The following SLCO5A1 variants were observed in gnomAD, a reference collection of about 807,000 sequenced individuals.
SLCO5A1 encodes organic anion transporter polypeptide-related protein 4.
SLCO5A1 carries 39 observed loss-of-function variants against 65.1 expected under a neutral mutation model. The observed-to-expected ratio is 0.60, with a 90% CI of 0.46 to 0.78. The LOEUF (loss-of-function observed/expected upper bound fraction) is 0.78. Ranked by LOEUF, SLCO5A1 falls within the 30% of genes least tolerant of loss-of-function variation. The pLI, the probability that SLCO5A1 is intolerant of heterozygous loss-of-function variation, is 0.00. For missense variants in SLCO5A1, 1,029 were observed against 1,069.4 expected, an observed-to-expected ratio of 0.96 and a Z score of 0.53; for synonymous variants, 438 against 415.7, an observed-to-expected ratio of 1.05 and a Z score of -0.65.
At chr8:69,823,186 A>T (rs568825650) in intron 2 of SLCO5A1, among the ~76,000 whole-genome samples, 1 of 152,320 alleles carries the variant, frequency 6.6e-6, no homozygotes, top group East Asian at 1.9e-4. Context: ...TATGGTCTAC[A>T]TTGAGGCTAG....
chr8:69,782,117 TG>T (rs1423228940), intron 2 of SLCO5A1, among the ~76,000 whole-genome samples: 2 of 152,048 alleles, frequency 1.3e-5, no homozygotes, highest in African/African-American at 4.8e-5. Flanking sequence ...CTAATGCATG[TG>T]GGGTTTAAAA....
At chr8:69,825,675 A>T (rs1264342567) in intron 2 of SLCO5A1, among the ~76,000 whole-genome samples, 2 of 152,296 alleles carry the variant, frequency 1.3e-5, no homozygotes, top group East Asian at 3.9e-4. Flanking sequence ...GGGTAGGAAG[A>T]ATCAATATCG....
chr8:69,818,176 A>G (rs935840744), intron 2 of SLCO5A1, among the ~76,000 whole-genome samples: 2 of 152,254 alleles, frequency 1.3e-5, no homozygotes, highest in African/African-American at 2.4e-5. Flanking sequence ...CAAAACTGAC[A>G]TCTACTTTCA....
chr8:69,672,675 GC>G lies in SLCO5A1; in HGVS notation c.*193del. ...CTGAACGTCTCCTTCTTGGAGAGAA[GC>G]GGGGAAAGGCTCTCAGTCTTGTTGA... On this transcript the variant is annotated 3_prime_UTR_variant, in exon 10 of 10. Transcript: ENST00000260126. The G allele has an allele frequency of 4.9e-6, 3 of 607,994 alleles. No individual in the cohort carries two copies. The highest frequency in any genetic ancestry group is 8.5e-6 in the Non-Finnish European group (3 of 353,702). The allele number at this position is 607,994 out of a possible 1,614,324, so 37.7% of individuals were successfully genotyped here. A position where few individuals can be genotyped will look rare whatever the true frequency, so the allele number is the denominator to read the frequency against.
At chr8:69,784,873 GAGAA>G (rs1255949411) in intron 2 of SLCO5A1, among the ~76,000 whole-genome samples, 45 of 67,252 alleles carry the variant, frequency 6.7e-4, no homozygotes, top group African/African-American at 2.0e-3. Context: ...GGGAAGGAAG[GAGAA>G]AGAAAGAAAG....
chr8:69,695,490 C>T (rs985064103), intron 6 of SLCO5A1, among the ~76,000 whole-genome samples: 9 of 151,020 alleles, frequency 6.0e-5, no homozygotes, highest in South Asian at 2.1e-4. Context: ...AGCGAGATTC[C>T]GTCTCAAAAA....
intron 2 of SLCO5A1, among the ~76,000 whole-genome samples, chr8:69,797,384 G>A (rs577844187): frequency 3.1e-4 from 47 of 152,332 alleles, no homozygotes; most frequent in African/African-American, 1.0e-3. Context: ...TAGAGCATGT[G>A]TGTTTGAACA....
Position 69,832,514 on chromosome 8 carries a change from T to C in SLCO5A1, c.160A>G (p.Ser54Gly). Residue 54 changes from serine to glycine, a missense_variant, in exon 2 of 10, where the codon AGT becomes GGT. By Grantham distance (56) the Ser-to-Gly change is moderately conservative (BLOSUM62 0). Around this residue, in one of 3 missense-constraint regions of SLCO5A1, gnomAD observed 647 missense variants for 647.5 expected, o/e 1.00. Coordinates refer to ENST00000260126, the MANE Select transcript of SLCO5A1 (RefSeq NM_030958.3). This position sits in a 1 kb window ranked among gnomAD's most constrained non-coding sequence, Gnocchi z 4.5. ...CCAAAGGCCGGGTTGGCGTCTCCACTAGTGGGACTGAGGCTTGGCCGGCAG... is the reference window on the plus strand; with the variant it reads ...CCAAAGGCCGGGTTGGCGTCTCCACCAGTGGGACTGAGGCTTGGCCGGCAG... ...ASCRPSLSPT[S>G]GDANPAFGCV... 2 of 1,609,378 alleles carry C rather than the reference T, an allele frequency of 1.2e-6. No homozygotes were observed. The highest frequency in any genetic ancestry group is 1.7e-6 in the Non-Finnish European group (2 of 1,178,132).
At chr8:69,825,519 C>G in intron 2 of SLCO5A1, among the ~76,000 whole-genome samples, 1 of 152,152 alleles carries the variant, frequency 6.6e-6, no homozygotes, top group Non-Finnish European at 1.5e-5. Context: ...TGAGTGAACT[C>G]CCATACACAA....
chr8:69,699,871 C>T (rs1339984221), intron 6 of SLCO5A1, among the ~76,000 whole-genome samples: 1 of 152,212 alleles, frequency 6.6e-6, no homozygotes, highest in East Asian at 1.9e-4. Flanking sequence ...GTAATCCCAG[C>T]ACTTTAGGAG....
At chr8:69,802,520 TA>T (rs57817058) in intron 2 of SLCO5A1, among the ~76,000 whole-genome samples, 39,231 of 126,762 alleles carry the variant, frequency 0.31, 5,680 homozygotes, top group Non-Finnish European at 0.38. Context: ...AAAAAAACAC[TA>T]AAAAAAAAAA....
At chr8:69,830,576 C>T (rs942736988) in intron 2 of SLCO5A1, among the ~76,000 whole-genome samples, 1 of 152,178 alleles carries the variant, frequency 6.6e-6, no homozygotes, top group Non-Finnish European at 1.5e-5. Context: ...ACAAAAATCT[C>T]ATCTGGTATG....
intron 4 of SLCO5A1, among the ~76,000 whole-genome samples, chr8:69,746,420 A>G (rs1817031019): frequency 6.6e-6 from 1 of 152,184 alleles, no homozygotes; most frequent in Non-Finnish European, 1.5e-5. Flanking sequence ...GCTTAAAGGG[A>G]CTAAAGTCAA....
chr8:69,698,000 C>T (rs1388345396), intron 6 of SLCO5A1, among the ~76,000 whole-genome samples: 1 of 152,090 alleles, frequency 6.6e-6, no homozygotes, highest in Non-Finnish European at 1.5e-5. Context: ...GCAGTTTTTC[C>T]AACCTCTCCC....
At chr8:69,701,158 T>C (rs1814719435) in intron 6 of SLCO5A1, among the ~76,000 whole-genome samples, 1 of 152,148 alleles carries the variant, frequency 6.6e-6, no homozygotes, top group South Asian at 2.1e-4. Context: ...AGATACTTTT[T>C]GAGCTCTCAG....
chr8:69,674,450 C>T (rs1813465256), intron 9 of SLCO5A1, among the ~76,000 whole-genome samples: 1 of 152,064 alleles, frequency 6.6e-6, no homozygotes, highest in Non-Finnish European at 1.5e-5. Context: ...AAAATAAAGT[C>T]TATTGGTTTA....
chr8:69,832,092 C>T lies in SLCO5A1; in HGVS notation c.582G>A (p.Arg194=). Residue 194 remains arginine, a synonymous_variant, in exon 2 of 10, where the codon CGG becomes CGA. Coordinates refer to ENST00000260126, the MANE Select transcript of SLCO5A1 (RefSeq NM_030958.3). This position sits in a 1 kb window ranked among gnomAD's most constrained non-coding sequence, Gnocchi z 4.5. ...GTCCACCCACGGCCAGCCACAGGGGCCGCCGACCCCGGCCGCCGAAGTAGC... is the reference window on the plus strand; with the variant it reads ...GTCCACCCACGGCCAGCCACAGGGGTCGCCGACCCCGGCCGCCGAAGTAGC... The part of the protein sequence containing the change: ...FVSYFGGRGR[R]PLWLAVGGLL... 2 of 1,613,788 alleles carry T rather than the reference C, an allele frequency of 1.2e-6. No homozygotes were observed. Among genetic ancestry groups the T allele is most frequent in the South Asian group, 1.1e-5 (1 of 91,072 alleles).
chr8:69,752,739 A>G (rs1375013530), intron 4 of SLCO5A1, among the ~76,000 whole-genome samples: 1 of 152,234 alleles, frequency 6.6e-6, no homozygotes, highest in African/African-American at 2.4e-5. Flanking sequence ...AGAATCCAGT[A>G]CAAGTGGAAA....
chr8:69,775,851 C>T (rs1208631259), intron 2 of SLCO5A1, among the ~76,000 whole-genome samples: 1 of 151,762 alleles, frequency 6.6e-6, no homozygotes, highest in African/African-American at 2.4e-5. Context: ...TAGTTCTCTA[C>T]AAAAAAATTA....
Sources: allele counts gnomAD v4.1 joint callset (sites outside exome capture counted in the v4.1 genomes callset), GRCh38; gene constraint gnomAD v4.1.1; regional missense constraint gnomAD v4.1.1; non-coding constraint Gnocchi (gnomAD v3.1); transcripts MANE v1.5; gene names NCBI Gene and HGNC (gene_info 2026-07-23, HGNC 2026-07-21).